The following STXBP5L variants were observed in gnomAD, a reference collection of about 807,000 sequenced individuals.
STXBP5L encodes the protein syntaxin-binding protein 5-like.
In STXBP5L, 65 loss-of-function variants were observed where a neutral mutation model predicts 144.5. The ratio of observed to expected loss-of-function variants is 0.45; its 90% CI spans 0.37 to 0.55. The LOEUF is 0.55. Ranked by LOEUF, STXBP5L falls within the 20% of genes least tolerant of loss-of-function variation. STXBP5L has a pLI of 0.00. For missense variants in STXBP5L, 1,298 were observed against 1,405.5 expected (o/e 0.92, Z 1.22); for synonymous variants, 505 against 469.6 (o/e 1.08, Z -0.97).
rs913034264 is a variant in STXBP5L, at chr3:121,341,914, G to C, written c.2176+23374G>C. 2.6e-5 allele frequency among the ~76,000 whole-genome samples: 4 copies of C among 151,820 alleles called. No individual in the cohort carries two copies. In the East Asian group the frequency reaches 5.8e-4, roughly 22 times the overall value. On this transcript the variant is annotated intron_variant, in intron 20 of 26. Coordinates refer to ENST00000471454, the MANE Select transcript of STXBP5L (RefSeq NM_001308330.2). Reference sequence around the variant, plus strand: ...TATAAAAAATAGAAAAAATGAATAAGACTAGTATTTCCTAGCACAACATGA... The same window carrying C: ...TATAAAAAATAGAAAAAATGAATAACACTAGTATTTCCTAGCACAACATGA...
At chr3:121,119,566 C>A (rs980662060) in intron 6 of STXBP5L, among the ~76,000 whole-genome samples, 7 of 151,134 alleles carry the variant, frequency 4.6e-5, no homozygotes, top group Non-Finnish European at 7.4e-5. Flanking sequence ...GTGGCTAGTA[C>A]ATGAAAATAA....
chr3:121,000,781 G>C (rs898702960), intron 3 of STXBP5L, among the ~76,000 whole-genome samples: 3 of 152,128 alleles, frequency 2.0e-5, no homozygotes, highest in African/African-American at 7.2e-5. Flanking sequence ...CTTTGGATGG[G>C]GCTTTTTCTT....
chr3:121,042,597 G>T (rs1359366574), intron 4 of STXBP5L, among the ~76,000 whole-genome samples: 3 of 152,142 alleles, frequency 2.0e-5, no homozygotes, highest in African/African-American at 7.2e-5. Context: ...CTTTCATTCA[G>T]TGTCTGCATA....
chr3:121,237,020 G>T (rs543638808), intron 12 of STXBP5L, among the ~76,000 whole-genome samples: 1 of 152,206 alleles, frequency 6.6e-6, no homozygotes, highest in African/African-American at 2.4e-5. Flanking sequence ...GGTGCAAGGG[G>T]TGGGCTCCCA....
chr3:121,317,796 GA>G lies in STXBP5L; in HGVS notation c.2111-676del, dbSNP rs1437212247. 5.3e-5 allele frequency among the ~76,000 whole-genome samples: 8 copies of G among 152,110 alleles called. No individual in the cohort carries two copies. The East Asian group carries it at 1.5e-3, about 29-fold the overall frequency. ...GCAGAATAAAAATTAAGAAATATTG[GA>G]AAGAGAAAAATATAGTGCTTATTAT... is the stretch of plus-strand genomic sequence containing the variant. On this transcript the variant is annotated intron_variant, in intron 19 of 26. Transcript: ENST00000471454.
intron 2 of STXBP5L, among the ~76,000 whole-genome samples, chr3:120,932,112 G>A (rs1417753394): frequency 6.6e-6 from 1 of 152,094 alleles, no homozygotes; most frequent in African/African-American, 2.4e-5. Context: ...AAGTATTTGT[G>A]TATCTAAGTA....
At chr3:121,092,306 T>A (rs1161284452) in intron 5 of STXBP5L, among the ~76,000 whole-genome samples, 3 of 151,946 alleles carry the variant, frequency 2.0e-5, no homozygotes, top group Non-Finnish European at 2.9e-5. Context: ...AATTCTGTGA[T>A]GAAAGTCATT....
chr3:121,124,595 TTTAGA>T (rs2107864181), intron 7 of STXBP5L, among the ~76,000 whole-genome samples: 1 of 152,180 alleles, frequency 6.6e-6, no homozygotes, highest in East Asian at 1.9e-4. Context: ...ACTGATTATC[TTTAGA>T]TTATCAAATA....
chr3:121,126,489 T>C (rs1186476120), intron 7 of STXBP5L, among the ~76,000 whole-genome samples: 10 of 152,150 alleles, frequency 6.6e-5, no homozygotes, highest in Admixed American at 6.6e-4. Flanking sequence ...ATTAAACTCT[T>C]CCATGCAGTG....
At chr3:121,391,360 A>G (rs1015424183) in intron 22 of STXBP5L, among the ~76,000 whole-genome samples, 2 of 151,996 alleles carry the variant, frequency 1.3e-5, no homozygotes, top group Non-Finnish European at 2.9e-5. Context: ...GAAGTTTCTT[A>G]TTACTGACCT....
chr3:121,173,969 C>T (rs959174001), intron 9 of STXBP5L, among the ~76,000 whole-genome samples: 4 of 151,994 alleles, frequency 2.6e-5, no homozygotes, highest in South Asian at 2.1e-4. Flanking sequence ...ATGTAAGAAC[C>T]GGAGGGATCA....
chr3:120,982,964 G>A (rs1941935181), intron 3 of STXBP5L, among the ~76,000 whole-genome samples: 1 of 152,204 alleles, frequency 6.6e-6, no homozygotes, highest in African/African-American at 2.4e-5. Flanking sequence ...TCCTGCAGCA[G>A]AATGCTCAGG....
At chr3:121,190,530 G>A (rs533596509) in intron 9 of STXBP5L, among the ~76,000 whole-genome samples, 88 of 152,168 alleles carry the variant, frequency 5.8e-4, no homozygotes, top group Middle Eastern at 3.4e-3. Flanking sequence ...CGACAAAACC[G>A]CCATCGTCAT....
At chr3:120,987,117 T>C (rs1477762501) in intron 3 of STXBP5L, among the ~76,000 whole-genome samples, 1 of 152,034 alleles carries the variant, frequency 6.6e-6, no homozygotes, top group East Asian at 1.9e-4. Flanking sequence ...GGATTCATAT[T>C]GAGACACATT....
At chr3:121,048,287 T>G (rs888862577) in intron 5 of STXBP5L, among the ~76,000 whole-genome samples, 1 of 152,172 alleles carries the variant, frequency 6.6e-6, no homozygotes, top group Non-Finnish European at 1.5e-5. Flanking sequence ...ACTTTTTCCC[T>G]TTTCTTTCAG....
At chr3:121,169,560 A>G (rs1245240818) in intron 9 of STXBP5L, among the ~76,000 whole-genome samples, 1 of 152,230 alleles carries the variant, frequency 6.6e-6, no homozygotes, top group Non-Finnish European at 1.5e-5. Context: ...GTCTTTGATA[A>G]AACAGACTTT....
At chr3:121,049,865 T>C (rs1947822594) in intron 5 of STXBP5L, 1 of 152,530 alleles carries the variant, frequency 6.6e-6, no homozygotes, top group East Asian at 1.9e-4. Flanking sequence ...GTGATGGCTC[T>C]GCCAAGACTC....
Position 121,208,742 on chromosome 3 carries a change from G to C in STXBP5L, c.956+2741G>C, listed in dbSNP as rs572504244. Among the ~76,000 whole-genome samples, 27 of 152,006 alleles carry C rather than the reference G, an allele frequency of 1.8e-4. 1 individual carries two copies. Among genetic ancestry groups the C allele is most frequent in the Middle Eastern group, 6.9e-3 (2 of 290 alleles). ...TATTAACTGTTCCTAGCAGCTTGTGGTATTATTTTATGGGTTTTTTTCACA... is the reference window on the plus strand; with the variant it reads ...TATTAACTGTTCCTAGCAGCTTGTGCTATTATTTTATGGGTTTTTTTCACA... On this transcript the variant is annotated intron_variant, in intron 10 of 26. Coordinates refer to ENST00000471454, the MANE Select transcript of STXBP5L (RefSeq NM_001308330.2).
intron 9 of STXBP5L, among the ~76,000 whole-genome samples, chr3:121,184,225 G>A (rs547820988): frequency 3.9e-5 from 6 of 151,952 alleles, no homozygotes; most frequent in Admixed American, 2.0e-4. Context: ...TTGATGAACC[G>A]ACAGAAGTAG....
Sources: gnomAD v4.1 joint callset for allele counts (sites outside exome capture counted in the v4.1 genomes callset) on GRCh38, gnomAD v4.1.1 for gene constraint, MANE v1.5 for transcripts, NCBI Gene and HGNC (gene_info 2026-07-23, HGNC 2026-07-21) for gene names.